Variants in ARSB observed in about 807,000 individuals in gnomAD.
The protein encoded by ARSB is N-acetylgalactosamine-4-sulfatase.
ARSB carries 41 observed loss-of-function variants against 50.9 expected under a neutral mutation model. The ratio of observed to expected loss-of-function variants is 0.81; its 90% confidence interval spans 0.63 to 1.04. ARSB has a LOEUF of 1.04. Ranked by LOEUF, ARSB falls within the 50% of genes least tolerant of loss-of-function variation. The pLI, the probability that ARSB is intolerant of heterozygous loss-of-function variation, is 0.00. For synonymous variants in ARSB, 269 were observed against 284.8 expected (o/e 0.94, Z 0.56); for missense variants, 672 against 693.3 (o/e 0.97, Z 0.35).
chr5:78,830,819 T>C (rs893090481), intron 6 of ARSB, among the ~76,000 whole-genome samples: 2 of 152,130 alleles, frequency 1.3e-5, no homozygotes, highest in Non-Finnish European at 2.9e-5. Flanking sequence ...CCAAGGAAAA[T>C]TTGACGAGCT....
intron 1 of ARSB, among the ~76,000 whole-genome samples, chr5:78,974,576 T>A (rs949946268): frequency 6.6e-6 from 1 of 152,216 alleles, no homozygotes; most frequent in African/African-American, 2.4e-5. Context: ...CAACAGCTTA[T>A]GCTCAAAGTG....
At chr5:78,834,965 TC>T (rs1744885982) in intron 6 of ARSB, among the ~76,000 whole-genome samples, 1 of 106,650 alleles carries the variant, frequency 9.4e-6, no homozygotes, top group African/African-American at 3.5e-5. Flanking sequence ...CCTCCCTCCC[TC>T]CCTCCCTTCC....
intron 4 of ARSB, among the ~76,000 whole-genome samples, chr5:78,930,326 G>A (rs575131654): frequency 6.6e-6 from 1 of 152,202 alleles, no homozygotes; most frequent in South Asian, 2.1e-4. Flanking sequence ...TTTTTTGGTA[G>A]CTTCCACGGC....
At chr5:78,899,163 TTAGAG>T (rs1294434721) in intron 4 of ARSB, among the ~76,000 whole-genome samples, 3 of 152,224 alleles carry the variant, frequency 2.0e-5, no homozygotes, top group East Asian at 3.8e-4. Flanking sequence ...TTTAGTTTCC[TTAGAG>T]TAATCCGTTG....
At chr5:78,979,900 G>A (rs1038982956) in intron 1 of ARSB, among the ~76,000 whole-genome samples, 1 of 152,170 alleles carries the variant, frequency 6.6e-6, no homozygotes, top group African/African-American at 2.4e-5. Context: ...ACAACCTAAT[G>A]TCCATGAATT....
chr5:78,969,875 T>A (rs947763732), intron 1 of ARSB, among the ~76,000 whole-genome samples: 2 of 152,244 alleles, frequency 1.3e-5, no homozygotes, highest in Non-Finnish European at 2.9e-5. Context: ...TGCCTTGGCC[T>A]CCCAATGTGT....
At chr5:78,882,094 T>C (rs1747776307) in intron 5 of ARSB, among the ~76,000 whole-genome samples, 1 of 152,276 alleles carries the variant, frequency 6.6e-6, no homozygotes, top group South Asian at 2.1e-4. Flanking sequence ...TCCTTCTGGA[T>C]GTGGGGTTGG....
intron 6 of ARSB, among the ~76,000 whole-genome samples, chr5:78,817,871 C>A (rs1312126836): frequency 6.6e-6 from 1 of 152,000 alleles, no homozygotes; most frequent in African/African-American, 2.4e-5. Flanking sequence ...AAGGGCTGGG[C>A]ACAGTGGCTT....
At chr5:78,916,984 A>C (rs1490183882) in intron 4 of ARSB, among the ~76,000 whole-genome samples, 1 of 152,356 alleles carries the variant, frequency 6.6e-6, no homozygotes, top group East Asian at 1.9e-4. Flanking sequence ...GCAAATAATA[A>C]ACGTTGAGAG....
At position 78,885,680 on chromosome 5, in the gene ARSB, T is replaced by A; in HGVS notation, c.1046A>T (p.His349Leu). ...QKGVKNRELIHISDWLPTLVK... is the reference protein window; with the variant it reads ...QKGVKNRELILISDWLPTLVK... ...GAGTGTTGGCAGCCAGTCAGAGATG[T>A]GGATGAGCTCCCGGTTCTTCACGCC... The change falls in exon 5 of 8, where the codon CAC (histidine) becomes CTC (leucine). Residue 349 changes from histidine to leucine, a missense_variant. By Grantham distance (99) the His-to-Leu change is moderately conservative (BLOSUM62 -3). Coordinates refer to ENST00000264914, the MANE Select transcript of ARSB (RefSeq NM_000046.5). The A allele has an allele frequency of 6.2e-7, 1 of 1,614,084 alleles. No homozygotes were observed. Among genetic ancestry groups the A allele is most frequent in the Admixed American group, 1.7e-5 (1 of 59,994 alleles).
intron 5 of ARSB, among the ~76,000 whole-genome samples, chr5:78,840,163 A>G (rs1461133450): frequency 6.6e-6 from 1 of 152,226 alleles, no homozygotes; most frequent in East Asian, 1.9e-4. Context: ...AGGGAGCACA[A>G]TAGGCACCCA....
At chr5:78,855,391 C>G (rs1418236796) in intron 5 of ARSB, among the ~76,000 whole-genome samples, 1 of 152,214 alleles carries the variant, frequency 6.6e-6, no homozygotes, top group Non-Finnish European at 1.5e-5. Flanking sequence ...TGCTTCAGCT[C>G]TGGCCTGAGG....
chr5:78,860,617 A>G (rs1746386975), intron 5 of ARSB, among the ~76,000 whole-genome samples: 2 of 152,246 alleles, frequency 1.3e-5, no homozygotes, highest in Admixed American at 1.3e-4. Flanking sequence ...AGCACTGTGT[A>G]GAGGGAAATC....
intron 5 of ARSB, among the ~76,000 whole-genome samples, chr5:78,852,108 A>G (rs977687425): frequency 7.9e-5 from 12 of 152,248 alleles, no homozygotes; most frequent in African/African-American, 2.6e-4. Flanking sequence ...TCATTATGAT[A>G]TTAGCTGGTT....
chr5:78,909,420 A>G (rs1012459823), intron 4 of ARSB, among the ~76,000 whole-genome samples: 5 of 152,208 alleles, frequency 3.3e-5, no homozygotes, highest in African/African-American at 1.2e-4. Flanking sequence ...AGAAAGGGAA[A>G]GACATAAGAA....
intron 1 of ARSB, among the ~76,000 whole-genome samples, chr5:78,980,210 A>G (rs1244518901): frequency 6.6e-6 from 1 of 152,230 alleles, no homozygotes; most frequent in Non-Finnish European, 1.5e-5. Context: ...ATACTTTAAA[A>G]TGGTAAATTA....
intron 5 of ARSB, among the ~76,000 whole-genome samples, chr5:78,871,908 A>T (rs981025305): frequency 1.3e-5 from 2 of 149,102 alleles, no homozygotes; most frequent in African/African-American, 4.9e-5. Context: ...AATTTTCGCA[A>T]CCTACTCATC....
rs1466468274 is a variant in ARSB at position 78,893,425 on chromosome 5, A to G, written c.899-7598T>C. On this transcript the variant is annotated intron_variant, in intron 4 of 7. Transcript: ENST00000264914. ...TGAGGATTAAAAAGAAAAATGTTAT[A>G]AAAGTTTGTAGTAAAATATTTCCTC... is the stretch of plus-strand genomic sequence containing the variant. Among the ~76,000 whole-genome samples the G allele has an allele frequency of 5.6e-3, 855 of 152,330 alleles. 12 individuals carry two copies. Among genetic ancestry groups the G allele is most frequent in the African/African-American group, 0.02 (823 of 41,558 alleles).
intron 5 of ARSB, among the ~76,000 whole-genome samples, chr5:78,852,751 C>G (rs1206470232): frequency 6.6e-6 from 1 of 151,852 alleles, no homozygotes; most frequent in African/African-American, 2.4e-5. Flanking sequence ...AGGCTTTGTT[C>G]GTTTCTTTTT....
Sources: allele counts gnomAD v4.1 joint callset (sites outside exome capture counted in the v4.1 genomes callset), GRCh38; gene constraint gnomAD v4.1.1; transcripts MANE v1.5; gene names NCBI Gene and HGNC (gene_info 2026-07-23, HGNC 2026-07-21).